KCNMA1: variants seen among roughly 807,000 people sequenced by gnomAD.
KCNMA1 encodes the protein potassium calcium-activated channel subfamily M alpha 1.
A neutral mutation model predicts 140.0 loss-of-function variants in KCNMA1; 29 were observed. The observed-to-expected ratio is 0.21, with a 90% CI of 0.15 to 0.28. The LOEUF is 0.28. Among genes scored for constraint, KCNMA1 ranks in the 10% least tolerant of loss-of-function variants. KCNMA1 has a pLI of 1.00. For synonymous variants in KCNMA1, 612 were observed against 611.9 expected (o/e 1.00, Z 0.00); for missense variants, 880 against 1,602.2 (o/e 0.55, Z 7.70).
intron 27 of KCNMA1, among the ~76,000 whole-genome samples, 189 bp downstream of exon 27, chr10:76,889,262 C>T (rs971197591): frequency 6.6e-6 from 1 of 152,144 alleles, no homozygotes; most frequent in Non-Finnish European, 1.5e-5. Flanking sequence ...AATGTCTTTA[C>T]ATCTACTATT....
chr10:77,607,099 G>A (rs2084835416), intron 1 of KCNMA1, among the ~76,000 whole-genome samples: 1 of 152,202 alleles, frequency 6.6e-6, no homozygotes, highest in Non-Finnish European at 1.5e-5. Context: ...AGATAGGAAG[G>A]GAAAAGGACA....
chr10:77,273,498 G>T (rs920556054), intron 2 of KCNMA1, among the ~76,000 whole-genome samples: 2 of 152,106 alleles, frequency 1.3e-5, no homozygotes, highest in African/African-American at 4.8e-5. Flanking sequence ...GAGAAACACA[G>T]ATAAAAAATT....
chr10:77,514,246 G>A (rs1243365865), intron 1 of KCNMA1, among the ~76,000 whole-genome samples: 1 of 152,222 alleles, frequency 6.6e-6, no homozygotes, highest in Non-Finnish European at 1.5e-5. Flanking sequence ...GTGCTGGTCT[G>A]CCCCTCAGAG....
intron 5 of KCNMA1, among the ~76,000 whole-genome samples, chr10:77,124,529 G>T (rs1348280085): frequency 1.3e-5 from 2 of 151,984 alleles, no homozygotes; most frequent in African/African-American, 2.4e-5. Flanking sequence ...TGGCTTGCAG[G>T]AGAATCATTT....
intron 5 of KCNMA1, among the ~76,000 whole-genome samples, chr10:77,165,698 C>A (rs1362686452): frequency 6.6e-6 from 1 of 152,172 alleles, no homozygotes; most frequent in Non-Finnish European, 1.5e-5. Flanking sequence ...TTATACTTAG[C>A]CCGAACACGT....
intron 19 of KCNMA1, chr10:76,977,649 A>G: frequency 1.4e-6 from 1 of 702,888 alleles, no homozygotes; most frequent in Non-Finnish European, 2.6e-6. Flanking sequence ...CTGCCAAGAC[A>G]GCCAAATAAC....
chr10:77,481,377 AC>A (rs2098394037), intron 1 of KCNMA1, among the ~76,000 whole-genome samples: 1 of 152,206 alleles, frequency 6.6e-6, no homozygotes, highest in African/African-American at 2.4e-5. Context: ...ACACAGGTTC[AC>A]CCTCCTCCAA....
At chr10:77,195,882 G>A (rs1400623630) in intron 3 of KCNMA1, among the ~76,000 whole-genome samples, 3 of 152,140 alleles carry the variant, frequency 2.0e-5, no homozygotes, top group Admixed American at 1.3e-4. Flanking sequence ...TCGGGTGGTA[G>A]AGGTTGCAGT....
intron 3 of KCNMA1, among the ~76,000 whole-genome samples, chr10:77,233,665 G>A (rs955730060): frequency 7.2e-5 from 11 of 152,298 alleles, no homozygotes; most frequent in African/African-American, 2.2e-4. Flanking sequence ...GAAATCTAGT[G>A]CCTATTGTTT....
At chr10:77,500,378 A>C (rs1291691869) in intron 1 of KCNMA1, among the ~76,000 whole-genome samples, 1 of 152,162 alleles carries the variant, frequency 6.6e-6, no homozygotes, top group African/African-American at 2.4e-5. Flanking sequence ...AAATCAAGTG[A>C]GGCTCACACC....
intron 1 of KCNMA1, among the ~76,000 whole-genome samples, chr10:77,583,925 T>TA (rs1355846797): frequency 2.0e-5 from 3 of 152,192 alleles, no homozygotes; most frequent in Non-Finnish European, 2.9e-5. Context: ...CATATGTAGA[T>TA]AAAAAAGGAA....
chr10:77,302,842 G>C (rs551152082), intron 2 of KCNMA1, among the ~76,000 whole-genome samples: 39 of 152,276 alleles, frequency 2.6e-4, no homozygotes, highest in African/African-American at 8.9e-4. Context: ...TCAGAGGAAA[G>C]CATGCCAAAT....
intron 2 of KCNMA1, among the ~76,000 whole-genome samples, chr10:77,289,332 C>T (rs1237206438): frequency 2.0e-5 from 3 of 152,216 alleles, no homozygotes; most frequent in Non-Finnish European, 4.4e-5. Context: ...ATGACTACAG[C>T]ACATGTCACT....
At chr10:77,433,150 A>ATTTATT (rs1398648050) in intron 1 of KCNMA1, among the ~76,000 whole-genome samples, 1 of 151,972 alleles carries the variant, frequency 6.6e-6, no homozygotes, top group Non-Finnish European at 1.5e-5. Context: ...AAGAGAAACT[A>ATTTATT]TTTATTTTTA....
At chr10:77,078,424 G>T (rs1218768562) in intron 13 of KCNMA1, among the ~76,000 whole-genome samples, 4 of 152,220 alleles carry the variant, frequency 2.6e-5, no homozygotes, top group Admixed American at 6.5e-5. Context: ...TTACTGAGAA[G>T]TAATCACAGG....
intron 1 of KCNMA1, among the ~76,000 whole-genome samples, chr10:77,479,488 A>G (rs2098342081): frequency 6.6e-6 from 1 of 152,202 alleles, no homozygotes; most frequent in African/African-American, 2.4e-5. Flanking sequence ...AGCCTCCCCA[A>G]AGACTCTCTG....
intron 3 of KCNMA1, among the ~76,000 whole-genome samples, chr10:77,215,672 T>C (rs2047509789): frequency 6.6e-6 from 1 of 152,114 alleles, no homozygotes; most frequent in Admixed American, 6.5e-5. Context: ...AGATACCATA[T>C]CTTGATGTGC....
chr10:77,131,662 C>G (rs954805176), intron 5 of KCNMA1, among the ~76,000 whole-genome samples: 1 of 151,132 alleles, frequency 6.6e-6, no homozygotes, highest in Non-Finnish European at 1.5e-5. Context: ...GCATTCTCTT[C>G]GTGAAAATTT....
At chr10:77,622,114 G>A (rs2091555207) in intron 1 of KCNMA1, among the ~76,000 whole-genome samples, 1 of 152,168 alleles carries the variant, frequency 6.6e-6, no homozygotes, top group Non-Finnish European at 1.5e-5. Flanking sequence ...CTGTCAGGTA[G>A]AGAAAAGGTG....
Sources: gnomAD v4.1 joint callset for allele counts (sites outside exome capture counted in the v4.1 genomes callset) on GRCh38, gnomAD v4.1.1 for gene constraint, MANE v1.5 for transcripts, NCBI Gene and HGNC (gene_info 2026-07-23, HGNC 2026-07-21) for gene names.